Variants in CPNE8 observed in about 807,000 individuals in gnomAD.
CPNE8 encodes the protein copine-8.
A neutral mutation model predicts 81.5 loss-of-function variants in CPNE8; 45 were observed. That is an observed-to-expected ratio of 0.55 (90% CI 0.44 to 0.71). The LOEUF is 0.71. CPNE8 is among the 30% of genes least tolerant of loss of function. The pLI is 0.00. For missense variants in CPNE8, 594 were observed against 672.1 expected (o/e 0.88, Z 1.28); for synonymous variants, 252 against 226.3 (o/e 1.11, Z -1.02).
At chr12:38,850,743 A>T (rs1409044900) in intron 3 of CPNE8, among the ~76,000 whole-genome samples, 1 of 152,060 alleles carries the variant, frequency 6.6e-6, no homozygotes, top group Non-Finnish European at 1.5e-5. Context: ...TTTTGACACC[A>T]CATTCCTCTG....
chr12:38,809,163 G>A (rs1942883421), intron 6 of CPNE8, among the ~76,000 whole-genome samples: 1 of 152,208 alleles, frequency 6.6e-6, no homozygotes, highest in Non-Finnish European at 1.5e-5. Flanking sequence ...CTATCTCACA[G>A]TTAGGAAGTC....
chr12:38,797,738 A>T (rs533193206), intron 6 of CPNE8, among the ~76,000 whole-genome samples: 1 of 152,288 alleles, frequency 6.6e-6, no homozygotes, highest in African/African-American at 2.4e-5. Flanking sequence ...GCTTCAGAAG[A>T]TCAAACTACT....
chr12:38,711,889 G>A (rs144168119), intron 13 of CPNE8, among the ~76,000 whole-genome samples: 1,618 of 152,190 alleles, frequency 0.011, 31 homozygotes, highest in African/African-American at 0.036. Context: ...GTTTCGATAT[G>A]ATAATGTTCC....
At position 38,694,981 on chromosome 12, in the gene CPNE8, C is replaced by CT. The variant is rs371646635; in HGVS notation, c.962-1144dup. 1.6e-4 allele frequency among the ~76,000 whole-genome samples: 25 copies of CT among 152,112 alleles called. No individual in the cohort carries two copies. In the East Asian group the frequency reaches 3.3e-3, roughly 20 times the overall value. ...TTTGTCCTAAAAACAATTAATTGAA[C>CT]TTTTTTTTATTTTATATTTCCAAGA... is the stretch of plus-strand genomic sequence containing the variant. On this transcript the variant is annotated intron_variant, in intron 14 of 19. Transcript: ENST00000331366.
intron 16 of CPNE8, among the ~76,000 whole-genome samples, chr12:38,681,958 T>TGCCAGTA (rs879771166): frequency 3.9e-5 from 6 of 152,196 alleles, no homozygotes; most frequent in Admixed American, 3.9e-4. Flanking sequence ...CAGTGGCTCA[T>TGCCAGTA]GCCAGTAATC....
At chr12:38,814,309 C>CTTTTTTTTTTTTTTTTTTTTTTT (rs61444154) in intron 6 of CPNE8, among the ~76,000 whole-genome samples, 1 of 49,170 alleles carries the variant, frequency 2.0e-5, no homozygotes, top group Non-Finnish European at 3.5e-5. Flanking sequence ...CCAGACCTGG[C>CTTTTTTTTTTTTTTTTTTTTTTT]TTTTTTTTTT....
At chr12:38,696,993 G>A (rs1277064848) in intron 14 of CPNE8, among the ~76,000 whole-genome samples, 1 of 152,184 alleles carries the variant, frequency 6.6e-6, no homozygotes, top group Non-Finnish European at 1.5e-5. Flanking sequence ...GTTGCAGTGA[G>A]CTGAGATTGC....
intron 13 of CPNE8, among the ~76,000 whole-genome samples, chr12:38,716,452 A>G (rs1232401076): frequency 6.6e-6 from 1 of 152,078 alleles, no homozygotes; most frequent in East Asian, 1.9e-4. Flanking sequence ...ATGTAGGCAC[A>G]TAGATCAAGG....
chr12:38,868,562 T>C (rs543620380), intron 3 of CPNE8, among the ~76,000 whole-genome samples: 1 of 152,300 alleles, frequency 6.6e-6, no homozygotes, highest in South Asian at 2.1e-4. Flanking sequence ...ACTTCTTTCC[T>C]GATGAATCAA....
upstream of CPNE8, chr12:38,905,670 G>C: frequency 1.4e-6 from 2 of 1,475,776 alleles, no homozygotes; most frequent in East Asian, 2.5e-5. Flanking sequence ...GCGCGGGATG[G>C]GGGAGGGAAG....
intron 15 of CPNE8, among the ~76,000 whole-genome samples, chr12:38,692,551 C>T (rs551267370): frequency 4.7e-4 from 71 of 152,078 alleles, no homozygotes; most frequent in Non-Finnish European, 7.9e-4. Context: ...ATTTACTTTT[C>T]TGATTTTGGA....
At chr12:38,902,870 G>A (rs571653223) in intron 1 of CPNE8, among the ~76,000 whole-genome samples, 51 of 152,100 alleles carry the variant, frequency 3.4e-4, no homozygotes, top group Non-Finnish European at 5.1e-4. Flanking sequence ...TTGTGTAAGC[G>A]CTTTCACACA....
intron 3 of CPNE8, among the ~76,000 whole-genome samples, chr12:38,856,840 T>C (rs866435975): frequency 1.3e-5 from 2 of 152,270 alleles, no homozygotes; most frequent in South Asian, 2.1e-4. Flanking sequence ...TTTTTCAGTA[T>C]ACATGTACTA....
At chr12:38,678,432 T>C (rs549972146) in intron 16 of CPNE8, among the ~76,000 whole-genome samples, 21 of 151,974 alleles carry the variant, frequency 1.4e-4, no homozygotes, top group Non-Finnish European at 2.1e-4. Flanking sequence ...TTGCAATTCA[T>C]GTCCAGTGCT....
intron 6 of CPNE8, among the ~76,000 whole-genome samples, chr12:38,802,719 C>A (rs372409412): frequency 1.3e-5 from 2 of 151,478 alleles, no homozygotes; most frequent in Non-Finnish European, 2.9e-5. Context: ...AATCCAGGAG[C>A]TGGTTTTTTG....
intron 15 of CPNE8, among the ~76,000 whole-genome samples, chr12:38,693,179 G>T (rs1454764385): frequency 4.6e-5 from 7 of 152,128 alleles, no homozygotes; most frequent in Non-Finnish European, 1.5e-5. Flanking sequence ...ACATGGAGAA[G>T]ATCTAAGGAA....
chr12:38,766,148 G>A (rs953329413), intron 8 of CPNE8, among the ~76,000 whole-genome samples: 3 of 152,104 alleles, frequency 2.0e-5, no homozygotes, highest in Non-Finnish European at 4.4e-5. Flanking sequence ...GTGAGCCACC[G>A]CGCCTGGCCG....
At chr12:38,721,564 T>C (rs1940565301) in intron 13 of CPNE8, among the ~76,000 whole-genome samples, 1 of 152,192 alleles carries the variant, frequency 6.6e-6, no homozygotes, top group South Asian at 2.1e-4. Context: ...GCATACCTCA[T>C]TCTTCCTGGC....
intron 16 of CPNE8, among the ~76,000 whole-genome samples, chr12:38,681,832 G>A (rs186465939): frequency 2.0e-5 from 3 of 152,160 alleles, no homozygotes; most frequent in East Asian, 3.9e-4. Flanking sequence ...GTCTCCTGTT[G>A]GTTCTGTTCT....
Sources: gnomAD v4.1 joint callset for allele counts (sites outside exome capture counted in the v4.1 genomes callset) on GRCh38, gnomAD v4.1.1 for gene constraint, MANE v1.5 for transcripts, NCBI Gene and HGNC (gene_info 2026-07-23, HGNC 2026-07-21) for gene names.